The following SGCZ variants were observed in gnomAD, a reference collection of about 807,000 sequenced individuals.
SGCZ encodes the protein zeta-sarcoglycan.
In SGCZ, 40 loss-of-function variants were observed where a neutral mutation model predicts 41.3. The observed-to-expected ratio is 0.97, with a 90% confidence interval of 0.75 to 1.26. SGCZ has a LOEUF of 1.26. SGCZ is among the 50% of genes most tolerant of loss of function. The pLI is 0.00. For missense variants in SGCZ, 552 were observed against 369.8 expected, an observed-to-expected ratio of 1.49 and a Z score of -4.04; for synonymous variants, 206 against 137.5, an observed-to-expected ratio of 1.50 and a Z score of -3.49.
chr8:14,445,785 G>C (rs13276747), intron 2 of SGCZ, among the ~76,000 whole-genome samples: 32,714 of 152,144 alleles, frequency 0.22, 4,193 homozygotes, highest in Non-Finnish European at 0.29. Context: ...TCTGCAGACA[G>C]TGGAGTTAGG....
chr8:14,903,417 T>C lies in SGCZ; in HGVS notation c.39+334168A>G, dbSNP rs1244345639. Among the ~76,000 whole-genome samples, 9 of 152,114 alleles carry C rather than the reference T, an allele frequency of 5.9e-5. No individual in the cohort carries two copies. The East Asian group carries it at 1.7e-3, about 29-fold the overall frequency. On this transcript the variant is annotated intron_variant, in intron 1 of 7. Transcript: ENST00000382080. ...TGAATAATATACTGGCTTAGGTTTG[T>C]CTGTAATAGCATTCAAATCTTGAAA...
intron 1 of SGCZ, among the ~76,000 whole-genome samples, chr8:15,057,053 C>T (rs751084838): frequency 1.2e-4 from 19 of 152,148 alleles, no homozygotes; most frequent in Admixed American, 3.9e-4. Flanking sequence ...ATGTGTGGGC[C>T]GCAGTGCCCT....
chr8:14,568,201 G>C (rs949015389), intron 1 of SGCZ, among the ~76,000 whole-genome samples: 5 of 152,072 alleles, frequency 3.3e-5, no homozygotes, highest in Non-Finnish European at 1.5e-5. Context: ...CATGGATCCA[G>C]GGAGGGGAAC....
At chr8:14,992,533 A>G (rs1269395047) in intron 1 of SGCZ, among the ~76,000 whole-genome samples, 1 of 139,058 alleles carries the variant, frequency 7.2e-6, no homozygotes, top group African/African-American at 2.8e-5. Flanking sequence ...CAACTATTCA[A>G]CTCCAAAACT....
At chr8:14,914,058 A>G (rs548181924) in intron 1 of SGCZ, among the ~76,000 whole-genome samples, 65 of 152,274 alleles carry the variant, frequency 4.3e-4, no homozygotes, top group African/African-American at 1.5e-3. Context: ...ATATGTATAT[A>G]GATGATCTAT....
At chr8:14,266,341 T>C (rs926596588) in intron 3 of SGCZ, among the ~76,000 whole-genome samples, 4 of 152,098 alleles carry the variant, frequency 2.6e-5, no homozygotes, top group African/African-American at 4.8e-5. Flanking sequence ...ATGAAATACA[T>C]TGGAATCAAT....
At chr8:14,460,615 A>T (rs1903597) in intron 2 of SGCZ, among the ~76,000 whole-genome samples, 6 of 151,934 alleles carry the variant, frequency 3.9e-5, no homozygotes, top group Non-Finnish European at 7.4e-5. Flanking sequence ...AGACCAATTG[A>T]GTAATCACCA....
chr8:14,851,636 T>A (rs908305853), intron 1 of SGCZ, among the ~76,000 whole-genome samples: 1 of 152,138 alleles, frequency 6.6e-6, no homozygotes, highest in East Asian at 1.9e-4. Flanking sequence ...TAGATGGGCA[T>A]TGTATTTCAC....
rs1468084702 is a variant in SGCZ at position 14,089,504 on chromosome 8, A to G, written c.*939T>C. Among the ~76,000 whole-genome samples, 2 of 152,064 alleles carry G rather than the reference A, an allele frequency of 1.3e-5. No individual in the cohort carries two copies. The highest frequency in any genetic ancestry group is 4.8e-5 in the African/African-American group (2 of 41,446). On this transcript the variant is annotated 3_prime_UTR_variant, in exon 8 of 8. Transcript: ENST00000382080. ...AGATGTTTGAATTTTAGCAGTCAGA[A>G]TCAAGTGCAGAGTGAGTGGAGCAAA...
intron 1 of SGCZ, among the ~76,000 whole-genome samples, chr8:15,152,543 T>A (rs1478488481): frequency 6.6e-6 from 1 of 152,198 alleles, no homozygotes. Context: ...AGGCAACTTA[T>A]TGTGAAACAC....
At chr8:14,501,157 GC>G (rs1802142025) in intron 2 of SGCZ, among the ~76,000 whole-genome samples, 1 of 151,804 alleles carries the variant, frequency 6.6e-6, no homozygotes, top group Non-Finnish European at 1.5e-5. Context: ...TGGGATCATG[GC>G]CCCTTTAATT....
chr8:14,605,945 A>T (rs2117325363), intron 1 of SGCZ, among the ~76,000 whole-genome samples: 1 of 152,152 alleles, frequency 6.6e-6, no homozygotes, highest in Admixed American at 6.6e-5. Flanking sequence ...ATATATAATT[A>T]AATAATGGCA....
intron 1 of SGCZ, among the ~76,000 whole-genome samples, chr8:14,564,956 A>AT (rs201141098): frequency 0.011 from 1,674 of 150,662 alleles, 28 homozygotes; most frequent in African/African-American, 0.037. Context: ...TTTGGAGTGG[A>AT]TTTTTTTTTT....
intron 1 of SGCZ, among the ~76,000 whole-genome samples, chr8:14,782,011 G>C (rs1467358466): frequency 6.6e-6 from 1 of 152,130 alleles, no homozygotes; most frequent in Non-Finnish European, 1.5e-5. Flanking sequence ...CTGAGTTATG[G>C]ACTCTCTGTA....
intron 1 of SGCZ, among the ~76,000 whole-genome samples, chr8:14,835,599 C>T (rs1484078716): frequency 6.6e-6 from 1 of 152,190 alleles, no homozygotes; most frequent in African/African-American, 2.4e-5. Context: ...AGGCTGGGCC[C>T]AGTACCAATC....
intron 2 of SGCZ, among the ~76,000 whole-genome samples, chr8:14,417,857 G>A (rs1799537830): frequency 1.3e-5 from 2 of 151,654 alleles, no homozygotes; most frequent in African/African-American, 4.8e-5. Context: ...ATTTTTATTT[G>A]TCAATTATCT....
intron 1 of SGCZ, among the ~76,000 whole-genome samples, chr8:15,021,469 T>G (rs1205759934): frequency 6.6e-6 from 1 of 152,204 alleles, no homozygotes; most frequent in Admixed American, 6.5e-5. Flanking sequence ...TATCTGAGGT[T>G]GTACACCCCT....
chr8:15,063,900 C>T (rs1303803683), intron 1 of SGCZ, among the ~76,000 whole-genome samples: 1 of 152,070 alleles, frequency 6.6e-6, no homozygotes, highest in Non-Finnish European at 1.5e-5. Flanking sequence ...GGCTTACAGT[C>T]GAGTGTTGCC....
chr8:14,858,516 C>G (rs1413555814), intron 1 of SGCZ, among the ~76,000 whole-genome samples: 1 of 152,056 alleles, frequency 6.6e-6, no homozygotes, highest in Admixed American at 6.6e-5. Context: ...ATATAGTTGG[C>G]AAAGGAAAGA....
Sources: gnomAD v4.1 joint callset for allele counts (sites outside exome capture counted in the v4.1 genomes callset) on GRCh38, gnomAD v4.1.1 for gene constraint, MANE v1.5 for transcripts, NCBI Gene and HGNC (gene_info 2026-07-23, HGNC 2026-07-21) for gene names.